MYCBP2: variants seen among roughly 807,000 people sequenced by gnomAD.
MYCBP2 encodes the protein E3 ubiquitin-protein ligase MYCBP2.
MYCBP2 carries 120 observed loss-of-function variants against 525.3 expected under a neutral mutation model. The observed-to-expected ratio is 0.23, with a 90% CI of 0.20 to 0.27. The LOEUF (loss-of-function observed/expected upper bound fraction) is 0.27. Ranked by LOEUF, MYCBP2 falls within the 10% of genes least tolerant of loss-of-function variation. The probability of loss-of-function intolerance (pLI) is 1.00; values close to 1 mark genes in which losing one functional copy is unlikely to be tolerated. For missense variants in MYCBP2, 4,149 were observed against 5,657.1 expected (o/e 0.73, Z 8.55); for synonymous variants, 1,894 against 1,955.8 (o/e 0.97, Z 0.83).
rs1207053783 is a variant in MYCBP2, at chr13:77,061,233, G to A, written c.12972C>T (p.Phe4324=). 4 of 1,612,218 alleles carry A rather than the reference G, an allele frequency of 2.5e-6. No homozygotes were observed. The highest frequency in any genetic ancestry group is 3.3e-5 in the Admixed American group (2 of 59,782). Residue 4324 remains phenylalanine (F), a synonymous_variant, in exon 76 of 83, where the codon TTC becomes TTT. Coordinates refer to ENST00000544440, the MANE Select transcript of MYCBP2 (RefSeq NM_015057.5). ...LHEGCGRTKL[F]WLMALADSKT... ...TAGAATCTGCCAGTGCCATCAACCA[G>A]AACAATTTGGTTCTACCACAACCTT...
intron 41 of MYCBP2, 68 bp from the exon 42 acceptor site, chr13:77,165,459 C>A: frequency 1.8e-6 from 2 of 1,114,414 alleles, no homozygotes; most frequent in Non-Finnish European, 2.6e-6. Context: ...TGTCTTTTAT[C>A]CAATGGACTT....
intron 66 of MYCBP2, 81 bp downstream of exon 66, chr13:77,078,742 AG>A: frequency 9.2e-7 from 1 of 1,091,820 alleles, no homozygotes; most frequent in South Asian, 1.3e-5. Flanking sequence ...TTGTGTGCCA[AG>A]GGTGGAATTC....
Position 77,166,395 on chromosome 13 carries a change from A to C in MYCBP2, c.6274T>G (p.Ser2092Ala). 1 of 1,614,022 alleles carries C rather than the reference A, an allele frequency of 6.2e-7. No homozygotes were observed. Among genetic ancestry groups the C allele is most frequent in the Non-Finnish European group, 8.5e-7 (1 of 1,179,938 alleles). ...GAAAATTTCTTTAATTCTATCCATG[A>C]ATTAAGATTTTCATGAACAGATGTC... ...KLTSVHENLN[S>A]WIELKKFSGS... Residue 2092 changes from serine to alanine, a missense_variant, in exon 41 of 83, where the codon TCA becomes GCA. This residue lies in a region of MYCBP2 where 692 missense variants were observed against 852.7 expected (regional missense o/e 0.81). Coordinates refer to ENST00000544440, the MANE Select transcript of MYCBP2 (RefSeq NM_015057.5).
rs748203074 is a variant in MYCBP2 at position 77,146,144 on chromosome 13, T to C, written c.7187+18A>G. On this transcript the variant is annotated intron_variant, in intron 48 of 82. Transcript: ENST00000544440. ...GACAACACATGTTTTGGTTATACTT[T>C]GAGAAAACGATCCTTACCTCTTAGG... The C allele has an allele frequency of 1.2e-5, 18 of 1,558,746 alleles. No individual in the cohort carries two copies. In the South Asian group the frequency reaches 1.6e-4, roughly 14 times the overall value.
Position 77,058,237 on chromosome 13 carries a change from G to A in MYCBP2, c.13310C>T (p.Ser4437Leu), listed in dbSNP as rs1301617153. 20 of 1,613,944 alleles carry A rather than the reference G, an allele frequency of 1.2e-5. No homozygotes were observed. The highest frequency in any genetic ancestry group is 1.7e-4 in the Middle Eastern group (1 of 6,056). The change falls in exon 78 of 83, where the codon TCG becomes TTG. Residue 4437 changes from serine to leucine, a missense_variant. By Grantham distance (145) the Ser-to-Leu change is moderately radical (BLOSUM62 -2). This residue lies in a region of MYCBP2 where 220 missense variants were observed against 396.0 expected (regional missense o/e 0.56). Transcript: ENST00000544440. The surrounding 1 kb of genome is among the most constrained non-coding windows in gnomAD (Gnocchi z 4.1). ...MCMICFTEAL[S>L]AAPAIQLDCS... ...GGCAACCTGAATGGCTGGTGCTGCC[G>A]AGAGCGCTTCGGTGAAACATATCAT...
Position 77,078,853 on chromosome 13 carries a change from C to T in MYCBP2, c.11455G>A (p.Ala3819Thr). 4 of 1,613,692 alleles carry T rather than the reference C, an allele frequency of 2.5e-6. No individual in the cohort carries two copies. The highest frequency in any genetic ancestry group is 3.3e-5 in the Admixed American group (2 of 59,992). Reference protein sequence around the residue: ...VTSMTFLTGKAVEDLCRIKQV... With the variant: ...VTSMTFLTGKTVEDLCRIKQV... ...TTTATTCTGCACAAATCTTCTACTGCTTTGCCAGTTAAGAAGGTCATTGAG... is the reference window on the plus strand; with the variant it reads ...TTTATTCTGCACAAATCTTCTACTGTTTTGCCAGTTAAGAAGGTCATTGAG... The change falls in exon 66 of 83, where the codon GCA (alanine) becomes ACA (threonine). Residue 3819 changes from alanine (A) to threonine (T), a missense_variant. Ala to Thr is a moderately conservative substitution (Grantham distance 58). Around this residue, in one of 21 missense-constraint regions of MYCBP2, gnomAD observed 509 missense variants for 789.4 expected, o/e 0.64. Transcript: ENST00000544440.
chr13:77,324,823 T>TTA (rs2082100189), intron 1 of MYCBP2, among the ~76,000 whole-genome samples: 1 of 152,240 alleles, frequency 6.6e-6, no homozygotes, highest in African/African-American at 2.4e-5. Flanking sequence ...TCAAAAATTA[T>TTA]TGCATAAGTC....
chr13:77,102,901 C>T (rs2047291759), intron 55 of MYCBP2, among the ~76,000 whole-genome samples: 1 of 151,666 alleles, frequency 6.6e-6, no homozygotes, highest in South Asian at 2.1e-4. Flanking sequence ...TCAAAAATTC[C>T]CCCAATTAGG....
Position 77,103,672 on chromosome 13 carries a change from T to C in MYCBP2, c.8141-4659A>G, listed in dbSNP as rs931459171. On this transcript the variant is annotated intron_variant, in intron 55 of 82. Transcript: ENST00000544440. Reference sequence around the variant, plus strand: ...TAAAGATTTACAAGTTTTTTTTTAATAGTGGAAGATAAAGAAATGTTACTT... The same window carrying C: ...TAAAGATTTACAAGTTTTTTTTTAACAGTGGAAGATAAAGAAATGTTACTT... 3.3e-5 allele frequency among the ~76,000 whole-genome samples: 5 copies of C among 152,062 alleles called. No individual in the cohort carries two copies. In the South Asian group the frequency reaches 6.2e-4, roughly 19 times the overall value.
chr13:77,139,312 G>A lies in MYCBP2; in HGVS notation c.7543C>T (p.Leu2515=), dbSNP rs369668756. 18 of 1,613,338 alleles carry A rather than the reference G, an allele frequency of 1.1e-5. No homozygotes were observed. The highest frequency in any genetic ancestry group is 1.6e-4 in the Middle Eastern group (1 of 6,076). ...DEIHNDDGVW[L]RLNDETIKKY... is the part of the protein sequence containing the mutation. The stretch of plus-strand genomic sequence containing the variant: ...TTTATTGTCTCATCATTCAGCCTCA[G>A]CCACACACCATCATCATTATGGATC... The change falls in exon 52 of 83, where the codon CTG becomes TTG. Residue 2515 remains leucine (L), a synonymous_variant. Coordinates refer to ENST00000544440, the MANE Select transcript of MYCBP2 (RefSeq NM_015057.5).
At chr13:77,301,064 C>A (rs1248545169) in intron 1 of MYCBP2, among the ~76,000 whole-genome samples, 1 of 152,154 alleles carries the variant, frequency 6.6e-6, no homozygotes, top group African/African-American at 2.4e-5. Context: ...ACATAGACAG[C>A]TTTCCCAGTG....
At chr13:77,103,117 G>C in intron 55 of MYCBP2, 1 of 395,010 alleles carries the variant, frequency 2.5e-6, no homozygotes, top group Non-Finnish European at 4.5e-6. Flanking sequence ...AAATGGAATG[G>C]CATGAACATG....
intron 50 of MYCBP2, among the ~76,000 whole-genome samples, chr13:77,140,595 T>C (rs1486846756): frequency 1.3e-5 from 2 of 152,320 alleles, no homozygotes; most frequent in Non-Finnish European, 2.9e-5. Context: ...AACTTTACAC[T>C]TAATTTCAGT....
At position 77,140,113 on chromosome 13, in the gene MYCBP2, G is replaced by T. The variant is rs772500197; in HGVS notation, c.7452C>A (p.His2484Gln). The T allele has an allele frequency of 6.2e-7, 1 of 1,613,350 alleles. No homozygotes were observed. The highest frequency in any genetic ancestry group is 1.1e-5 in the South Asian group (1 of 90,950). ...CTATCTGCTCACTCTGAAGGGAAGG[G>T]TGGCTACGGATGCGAAGCCCCGCAC... ...KDSAGLRIRS[H>Q]PSLQSEQIGI... Residue 2484 changes from histidine to glutamine, a missense_variant, in exon 51 of 83, where the codon CAC becomes CAA. His to Gln is a conservative substitution (Grantham distance 24). Around this residue, in one of 21 missense-constraint regions of MYCBP2, gnomAD observed 692 missense variants for 852.7 expected, o/e 0.81. Coordinates refer to ENST00000544440, the MANE Select transcript of MYCBP2 (RefSeq NM_015057.5).
At chr13:77,208,088 T>C (rs1593905255) in intron 23 of MYCBP2, among the ~76,000 whole-genome samples, 2 of 152,242 alleles carry the variant, frequency 1.3e-5, no homozygotes, top group East Asian at 1.9e-4. Flanking sequence ...GTGGATTCAG[T>C]AAGCCTAATC....
intron 55 of MYCBP2, among the ~76,000 whole-genome samples, chr13:77,113,388 C>G (rs2049171787): frequency 6.6e-6 from 1 of 152,028 alleles, no homozygotes; most frequent in Non-Finnish European, 1.5e-5. Context: ...ATTCTAGAAG[C>G]CTTCAAGATC....
Position 77,164,461 on chromosome 13 carries a change from A to G in MYCBP2, c.6540T>C (p.Leu2180=). 1 of 1,608,488 alleles carries G rather than the reference A, an allele frequency of 6.2e-7. No homozygotes were observed. The highest frequency in any genetic ancestry group is 1.1e-5 in the South Asian group (1 of 90,934). ...AGTATTGGCCACACTTACCAATAGG[A>G]AGTGCTAGGTCCTTCTTCATCAGAG... ...AAALMKKDLA[L]PIGNELEEDL... is the part of the protein sequence containing the mutation. The change falls in exon 43 of 83, where the codon CTT becomes CTC. Residue 2180 remains leucine (L), a synonymous_variant. Coordinates refer to ENST00000544440, the MANE Select transcript of MYCBP2 (RefSeq NM_015057.5).
chr13:77,245,989 T>C (rs2069859726), intron 15 of MYCBP2, among the ~76,000 whole-genome samples: 1 of 152,192 alleles, frequency 6.6e-6, no homozygotes, highest in Non-Finnish European at 1.5e-5. Flanking sequence ...TTCAGCCCTT[T>C]CATATCGATT....
intron 2 of MYCBP2, among the ~76,000 whole-genome samples, chr13:77,294,887 C>CCATCT (rs2078008994): frequency 6.6e-6 from 1 of 152,176 alleles, no homozygotes; most frequent in Non-Finnish European, 1.5e-5. Context: ...CACCCACTGC[C>CCATCT]CATCTCAGGG....
Sources: gnomAD v4.1 joint callset for allele counts (sites outside exome capture counted in the v4.1 genomes callset) on GRCh38, gnomAD v4.1.1 for gene constraint, gnomAD v4.1.1 regional missense constraint, Gnocchi (gnomAD v3.1) non-coding constraint, MANE v1.5 for transcripts, NCBI Gene and HGNC (gene_info 2026-07-23, HGNC 2026-07-21) for gene names.